Variants in STXBP6 observed in about 807,000 individuals in gnomAD.
STXBP6 encodes syntaxin binding protein 6, also known as syntaxin-binding protein 6.
In STXBP6, 21 loss-of-function variants were observed where a neutral mutation model predicts 26.9. That is an observed-to-expected ratio of 0.78 (90% confidence interval 0.55 to 1.12). The LOEUF is 1.12. STXBP6 is among the 50% of genes most tolerant of loss of function. The pLI is 0.00. For missense variants in STXBP6, 232 were observed against 257.9 expected, an observed-to-expected ratio of 0.90 and a Z score of 0.69; for synonymous variants, 97 against 92.6, an observed-to-expected ratio of 1.05 and a Z score of -0.27.
chr14:24,846,383 A>G (rs1222560088), intron 4 of STXBP6, among the ~76,000 whole-genome samples: 2 of 152,124 alleles, frequency 1.3e-5, no homozygotes, highest in South Asian at 4.1e-4. Flanking sequence ...TTCTGTTTGT[A>G]TCTTTGAATG....
intron 2 of STXBP6, among the ~76,000 whole-genome samples, chr14:24,926,982 C>A (rs1051316671): frequency 2.0e-5 from 3 of 151,982 alleles, no homozygotes; most frequent in African/African-American, 7.3e-5. Flanking sequence ...CGAAGCTGAT[C>A]CCCTAATTTA....
intron 2 of STXBP6, among the ~76,000 whole-genome samples, chr14:24,951,540 A>T (rs1387832356): frequency 2.0e-5 from 3 of 152,198 alleles, no homozygotes; most frequent in Non-Finnish European, 4.4e-5. Context: ...ATGTCTGTTC[A>T]TGTCCTTTGC....
At chr14:24,931,087 C>T (rs576421283) in intron 2 of STXBP6, among the ~76,000 whole-genome samples, 53 of 117,342 alleles carry the variant, frequency 4.5e-4, no homozygotes, top group African/African-American at 1.1e-3. Flanking sequence ...GTCCGCAGTC[C>T]GGCCTGGGCG....
At chr14:24,964,545 C>G (rs561463689) in intron 2 of STXBP6, among the ~76,000 whole-genome samples, 1 of 152,182 alleles carries the variant, frequency 6.6e-6, no homozygotes, top group South Asian at 2.1e-4. Flanking sequence ...ACATATGCAC[C>G]TATAGTTCAG....
chr14:24,968,728 C>A (rs2073811795), intron 2 of STXBP6, among the ~76,000 whole-genome samples: 1 of 152,080 alleles, frequency 6.6e-6, no homozygotes, highest in South Asian at 2.1e-4. Flanking sequence ...AATTTTTCAA[C>A]TGAATAAACT....
At chr14:24,902,003 A>G (rs1300985911) in intron 2 of STXBP6, among the ~76,000 whole-genome samples, 1 of 152,186 alleles carries the variant, frequency 6.6e-6, no homozygotes, top group Non-Finnish European at 1.5e-5. Context: ...CTGCATGTAC[A>G]TCATGCCTCA....
Position 24,931,117 on chromosome 14 carries a change from CAAAA to C in STXBP6, c.154+43544_154+43547del, listed in dbSNP as rs749625860. The stretch of plus-strand genomic sequence containing the variant: ...TGGGCGACAGAGCGAGACTCCGTCT[CAAAA>C]AAAAAAAAAAAAAAAAAAAAACCCA... On this transcript the variant is annotated intron_variant, in intron 2 of 5. Coordinates refer to ENST00000323944, the MANE Select transcript of STXBP6 (RefSeq NM_001394410.1). Among the ~76,000 whole-genome samples the C allele has an allele frequency of 1.3e-4, 3 of 23,328 alleles. No homozygotes were observed. In the East Asian group the frequency reaches 4.4e-3, roughly 34 times the overall value. 15.3% of individuals were successfully genotyped at this position (23,328 alleles called of 152,430 possible). A position where few individuals can be genotyped will look rare whatever the true frequency, so the allele number is the denominator to read the frequency against.
At chr14:25,003,960 T>C (rs2074829083) in intron 1 of STXBP6, among the ~76,000 whole-genome samples, 1 of 151,848 alleles carries the variant, frequency 6.6e-6, no homozygotes, top group Admixed American at 6.5e-5. Flanking sequence ...TAAACATTTA[T>C]TGTGCCATAC....
intron 2 of STXBP6, among the ~76,000 whole-genome samples, chr14:24,941,903 C>T (rs982925460): frequency 6.6e-6 from 1 of 152,216 alleles, no homozygotes; most frequent in Non-Finnish European, 1.5e-5. Context: ...AGTTACAGGG[C>T]CTCACACAGG....
Position 25,049,034 on chromosome 14 carries a change from G to T in STXBP6, c.-33+844C>A. 1 of 444,336 alleles carries T rather than the reference G, an allele frequency of 2.3e-6. No homozygotes were observed. Among genetic ancestry groups the T allele is most frequent in the Non-Finnish European group, 3.0e-6 (1 of 335,444 alleles). 27.5% of individuals were successfully genotyped at this position (444,336 alleles called of 1,614,324 possible). A position where few individuals can be genotyped will look rare whatever the true frequency, so the allele number is the denominator to read the frequency against. On this transcript the variant is annotated intron_variant, in intron 1 of 5. Transcript: ENST00000323944. This position sits in a 1 kb window ranked among gnomAD's most constrained non-coding sequence, Gnocchi z 5.6. ...GAGAAGGTTCGTTATGAAATCCTGG[G>T]GCCAGAACCAAGGGCAGATACACCC...
At chr14:24,993,347 C>T (rs1336596149) in intron 1 of STXBP6, among the ~76,000 whole-genome samples, 1 of 152,212 alleles carries the variant, frequency 6.6e-6, no homozygotes, top group Non-Finnish European at 1.5e-5. Flanking sequence ...CCCTCTCCCT[C>T]CTTTATTCTC....
At chr14:25,046,533 G>A (rs546397023) in intron 1 of STXBP6, among the ~76,000 whole-genome samples, 57 of 149,456 alleles carry the variant, frequency 3.8e-4, no homozygotes, top group African/African-American at 1.4e-3. Flanking sequence ...AGTGAGCTGG[G>A]ATCCCATTTG....
At chr14:24,840,677 C>A (rs1286228201) in intron 4 of STXBP6, among the ~76,000 whole-genome samples, 1 of 152,192 alleles carries the variant, frequency 6.6e-6, no homozygotes, top group Non-Finnish European at 1.5e-5. Context: ...TCAACTCTTC[C>A]CCACATACAG....
At chr14:24,934,539 T>C (rs2139933334) in intron 2 of STXBP6, among the ~76,000 whole-genome samples, 1 of 152,294 alleles carries the variant, frequency 6.6e-6, no homozygotes, top group African/African-American at 2.4e-5. Flanking sequence ...AGACATTCCA[T>C]GATGACATCC....
At chr14:24,983,532 G>T (rs1386145191) in intron 1 of STXBP6, among the ~76,000 whole-genome samples, 2 of 152,174 alleles carry the variant, frequency 1.3e-5, no homozygotes, top group African/African-American at 4.8e-5. Flanking sequence ...AGAAGGAAAA[G>T]CACTAAACCC....
intron 2 of STXBP6, among the ~76,000 whole-genome samples, chr14:24,940,615 T>C (rs2072767154): frequency 6.6e-6 from 1 of 152,186 alleles, no homozygotes; most frequent in East Asian, 1.9e-4. Context: ...CAGAGACCTG[T>C]TGACCTGGAT....
intron 2 of STXBP6, among the ~76,000 whole-genome samples, chr14:24,904,539 C>A (rs983469119): frequency 6.6e-6 from 1 of 152,158 alleles, no homozygotes; most frequent in Non-Finnish European, 1.5e-5. Context: ...GAAGCTTTAG[C>A]ATCCAATGTG....
chr14:24,937,374 T>G (rs556644194), intron 2 of STXBP6, among the ~76,000 whole-genome samples: 1 of 152,388 alleles, frequency 6.6e-6, no homozygotes, highest in East Asian at 1.9e-4. Flanking sequence ...TCTTTTAGAA[T>G]TAGACTTATA....
At chr14:24,833,007 A>G (rs1467754934) in intron 4 of STXBP6, among the ~76,000 whole-genome samples, 2 of 152,214 alleles carry the variant, frequency 1.3e-5, no homozygotes, top group Non-Finnish European at 2.9e-5. Flanking sequence ...CTCACTTAAA[A>G]TTACACTGTG....
Sources: gnomAD v4.1 joint callset for allele counts (sites outside exome capture counted in the v4.1 genomes callset) on GRCh38, gnomAD v4.1.1 for gene constraint, Gnocchi (gnomAD v3.1) non-coding constraint, MANE v1.5 for transcripts, NCBI Gene and HGNC (gene_info 2026-07-23, HGNC 2026-07-21) for gene names.